Variants in PIGG observed in about 807,000 individuals in gnomAD.
PIGG encodes the protein phosphatidylinositol glycan anchor biosynthesis class G (EMM blood group), also known as GPI ethanolamine phosphate transferase 2, catalytic subunit.
PIGG carries 70 observed loss-of-function variants against 83.2 expected under a neutral mutation model. The ratio of observed to expected loss-of-function variants is 0.84; its 90% CI spans 0.69 to 1.03. The LOEUF is 1.03. Among genes scored for constraint, PIGG ranks in the 50% least tolerant of loss-of-function variants. The pLI is 0.00. For synonymous variants in PIGG, 532 were observed against 519.5 expected (o/e 1.02, Z -0.33); for missense variants, 1,257 against 1,233.6 (o/e 1.02, Z -0.28).
At position 539,165 on chromosome 4, in the gene PIGG, G is replaced by A. The variant is rs769891393; in HGVS notation, c.2748G>A (p.Leu916=). ...LSSETRSGSA[L]SHACFCYALI... ...TTCTTATTAACAGTGGTTCAGCACT[G>A]AGTCATGCTTGCTTCTGCTACGCAC... Residue 916 remains leucine, a synonymous_variant, in exon 13 of 13, where the codon CTG becomes CTA. Transcript: ENST00000453061. 1 of 1,609,946 alleles carries A rather than the reference G, an allele frequency of 6.2e-7. No homozygotes were observed. Among genetic ancestry groups the A allele is most frequent in the East Asian group, 2.2e-5 (1 of 44,874 alleles).
chr4:505,459 C>CAAAAAAAA (rs35308755), intron 2 of PIGG, among the ~76,000 whole-genome samples: 1 of 45,010 alleles, frequency 2.2e-5, no homozygotes, highest in Non-Finnish European at 3.9e-5. Flanking sequence ...CTGTATCTAC[C>CAAAAAAAA]AAAAAAAAAA....
At chr4:525,438 C>T in intron 9 of PIGG, 19 of 808,712 alleles carry the variant, frequency 2.3e-5, no homozygotes, top group Non-Finnish European at 2.8e-5. Flanking sequence ...CTGCAGAGAA[C>T]TCCTGTAAGA....
intron 1 of PIGG, 130 bp downstream of exon 1, chr4:499,619 CAG>C (rs1227296100): frequency 2.1e-6 from 3 of 1,421,782 alleles, no homozygotes; most frequent in African/African-American, 1.4e-5. Context: ...GTCCCCACCT[CAG>C]AAATTTTTTT....
Position 539,382 on chromosome 4 carries a change from A to G in PIGG, c.*13A>G. The G allele has an allele frequency of 2.0e-6, 3 of 1,485,612 alleles. No individual in the cohort carries two copies. Among genetic ancestry groups the G allele is most frequent in the Non-Finnish European group, 2.8e-6 (3 of 1,068,704 alleles). 92.0% of individuals were successfully genotyped at this position (1,485,612 alleles called of 1,614,324 possible). ...CACACAGTCTTAGACTAAGCTGAAC[A>G]CTGGAAAAATAATACATGCTTAAAG... On this transcript the variant is annotated 3_prime_UTR_variant, in exon 13 of 13. Coordinates refer to ENST00000453061, the MANE Select transcript of PIGG (RefSeq NM_001127178.3).
In PIGG at chr4:505,710, GA is replaced by G; in HGVS notation, c.361-7del. On this transcript the variant is annotated splice_polypyrimidine_tract_variant and splice_region_variant and intron_variant, in intron 2 of 12. Coordinates refer to ENST00000453061, the MANE Select transcript of PIGG (RefSeq NM_001127178.3). ...CAGTGGCCTAATTCTTGCATTTTCT[GA>G]CTGCAGGCATTGATGACGGGGAGCC... 1 of 1,607,212 alleles carries G rather than the reference GA, an allele frequency of 6.2e-7. No homozygotes were observed. The highest frequency in any genetic ancestry group is 8.5e-7 in the Non-Finnish European group (1 of 1,175,564).
chr4:519,458 A>G lies in PIGG; in HGVS notation c.1115-1598A>G, dbSNP rs186452894. On this transcript the variant is annotated intron_variant, in intron 6 of 12. Coordinates refer to ENST00000453061, the MANE Select transcript of PIGG (RefSeq NM_001127178.3). Reference sequence around the variant, plus strand: ...CCCATCCAGGGTGGTAGGTGTAGCAATGAAGGATGCCAGCCCTGGAACCAG... The same window carrying G: ...CCCATCCAGGGTGGTAGGTGTAGCAGTGAAGGATGCCAGCCCTGGAACCAG... 5.6e-3 allele frequency among the ~76,000 whole-genome samples: 848 copies of G among 152,336 alleles called. 9 individuals are homozygous for G. Among genetic ancestry groups the G allele is most frequent in the Middle Eastern group, 0.031 (9 of 294 alleles).
chr4:515,618 C>T lies in PIGG; in HGVS notation c.902-355C>T, dbSNP rs1723575023. Among the ~76,000 whole-genome samples the T allele has an allele frequency of 1.3e-5, 2 of 152,250 alleles. No individual in the cohort carries two copies. Among genetic ancestry groups the T allele is most frequent in the African/African-American group, 4.8e-5 (2 of 41,468 alleles). ...TCAGCGATCCCAGCCTCACTTCATT[C>T]TCCGGTTGGCTGTTGACCTTGCCAA... On this transcript the variant is annotated intron_variant, in intron 5 of 12. Transcript: ENST00000453061. The surrounding 1 kb of genome is among the most constrained non-coding windows in gnomAD (Gnocchi z 4.2).
intron 11 of PIGG, chr4:531,659 AGGT>A (rs989897123): frequency 2.6e-5 from 4 of 152,284 alleles, no homozygotes; most frequent in African/African-American, 9.7e-5. Context: ...TGAAGCCCAA[AGGT>A]GGTAGGCGTG....
intron 4 of PIGG, among the ~76,000 whole-genome samples, chr4:508,088 A>G (rs1720483134): frequency 6.6e-6 from 1 of 152,222 alleles, no homozygotes; most frequent in African/African-American, 2.4e-5. Flanking sequence ...TGCATCAGTG[A>G]AACAGTCGAT....
chr4:512,675 T>C (rs1254507215), intron 5 of PIGG, among the ~76,000 whole-genome samples: 3 of 151,536 alleles, frequency 2.0e-5, no homozygotes, highest in East Asian at 2.0e-4. Flanking sequence ...ATTAGCCAGA[T>C]GTGGTGGTGG....
chr4:535,982 A>G (rs1031872116), intron 12 of PIGG, among the ~76,000 whole-genome samples: 4 of 152,304 alleles, frequency 2.6e-5, no homozygotes, highest in East Asian at 1.9e-4. Flanking sequence ...TTTACAGGAC[A>G]TGCGGGCAGG....
Position 528,207 on chromosome 4 carries a change from C to T in PIGG, c.2261+977C>T. On this transcript the variant is annotated intron_variant, in intron 10 of 12. Coordinates refer to ENST00000453061, the MANE Select transcript of PIGG (RefSeq NM_001127178.3). The surrounding 1 kb of genome is among the most constrained non-coding windows in gnomAD (Gnocchi z 4.8). ...GCATGTTGTGGAACAGGTATGACCCCAGCTTACTAATTGTGTACCTGTTTT... is the reference window on the plus strand; with the variant it reads ...GCATGTTGTGGAACAGGTATGACCCTAGCTTACTAATTGTGTACCTGTTTT... The T allele has an allele frequency of 1.0e-6, 1 of 984,910 alleles. No homozygotes were observed. The highest frequency in any genetic ancestry group is 1.2e-6 in the Non-Finnish European group (1 of 829,610). 61.0% of individuals were successfully genotyped at this position (984,910 alleles called of 1,614,324 possible). A position where few individuals can be genotyped will look rare whatever the true frequency, so the allele number is the denominator to read the frequency against.
chr4:529,829 C>T (rs901318522), intron 10 of PIGG, among the ~76,000 whole-genome samples: 4 of 152,120 alleles, frequency 2.6e-5, no homozygotes, highest in Non-Finnish European at 1.5e-5. Flanking sequence ...TTGACACGCC[C>T]GAGTAGGAGA....
chr4:530,953 A>T, intron 11 of PIGG: 1 of 547,654 alleles, frequency 1.8e-6, no homozygotes, highest in Admixed American at 3.5e-5. Context: ...GGTGCTTAAG[A>T]CAGCAGACTG....
Position 505,910 on chromosome 4 carries a change from G to C in PIGG, c.553G>C (p.Val185Leu). ...ATATGATGGAACAACCTCATTTTTC[G>C]TGTCAGATTACACAGAGGTCAGTTT... ...VEYDGTTSFF[V>L]SDYTEVDNNV... Residue 185 changes from valine to leucine, a missense_variant, in exon 3 of 13, where the codon GTG becomes CTG. Transcript: ENST00000453061. 5.0e-6 allele frequency: 8 copies of C among 1,611,262 alleles called. No homozygotes were observed. The highest frequency in any genetic ancestry group is 5.9e-6 in the Non-Finnish European group (7 of 1,178,610).
chr4:525,501 C>A lies in PIGG; in HGVS notation c.2070-1538C>A, dbSNP rs528780020. 23 of 264,382 alleles carry A rather than the reference C, an allele frequency of 8.7e-5. No homozygotes were observed. The South Asian group carries it at 3.2e-3, about 37-fold the overall frequency. 16.4% of individuals were successfully genotyped at this position (264,382 alleles called of 1,614,324 possible). On this transcript the variant is annotated intron_variant, in intron 9 of 12. Transcript: ENST00000453061. ...CCTAGTCCTAGTAATGAGGGCACTT[C>A]CAGTTAAATGACAGGGTGTGACTTC...
At chr4:502,307 G>C (rs138957285) in intron 2 of PIGG, 2 of 152,278 alleles carry the variant, frequency 1.3e-5, no homozygotes, top group Admixed American at 6.5e-5. Context: ...GAGGATTCTT[G>C]CTCCTTATTT....
Position 521,141 on chromosome 4 carries a change from C to G in PIGG, c.1200C>G (p.Val400=). 5.0e-6 allele frequency: 8 copies of G among 1,614,016 alleles called. No individual in the cohort carries two copies. Among genetic ancestry groups the G allele is most frequent in the Non-Finnish European group, 5.9e-6 (7 of 1,179,912 alleles). Residue 400 remains valine (V), a synonymous_variant, in exon 7 of 13, where the codon GTC becomes GTG. Coordinates refer to ENST00000453061, the MANE Select transcript of PIGG (RefSeq NM_001127178.3). Reference sequence around the variant, plus strand: ...ACTTGGAGGAAAAGCATTCAGAAGTCCTATTCAACCTGGGCTCCAAGGTTC... The same window carrying G: ...ACTTGGAGGAAAAGCATTCAGAAGTGCTATTCAACCTGGGCTCCAAGGTTC... The part of the protein sequence containing the change: ...RLYLEEKHSE[V]LFNLGSKVLR...
At chr4:509,583 TC>T (rs1248063084) in intron 5 of PIGG, among the ~76,000 whole-genome samples, 3 of 152,234 alleles carry the variant, frequency 2.0e-5, no homozygotes, top group Non-Finnish European at 4.4e-5. Context: ...AGCGGTAATT[TC>T]TGCCGTCAGG....
Sources: gnomAD v4.1 joint callset for allele counts (sites outside exome capture counted in the v4.1 genomes callset) on GRCh38, gnomAD v4.1.1 for gene constraint, Gnocchi (gnomAD v3.1) non-coding constraint, MANE v1.5 for transcripts, NCBI Gene and HGNC (gene_info 2026-07-23, HGNC 2026-07-21) for gene names.